The following ME3 variants were observed in gnomAD, a reference collection of about 807,000 sequenced individuals.
ME3 encodes the protein malic enzyme 3.
ME3 carries 48 observed loss-of-function variants against 68.9 expected under a neutral mutation model. That is an observed-to-expected ratio of 0.70 (90% CI 0.55 to 0.89). ME3 has a LOEUF of 0.89. Among genes scored for constraint, ME3 ranks in the 40% least tolerant of loss-of-function variants. The pLI, the probability that ME3 is intolerant of heterozygous loss-of-function variation, is 0.00. For synonymous variants in ME3, 320 were observed against 318.8 expected, an observed-to-expected ratio of 1.00 and a Z score of -0.04; for missense variants, 675 against 797.4, an observed-to-expected ratio of 0.85 and a Z score of 1.85.
At position 86,602,935 on chromosome 11, in the gene ME3, A is replaced by G. The variant is rs1960954979; in HGVS notation, c.184-43112T>C. Among the ~76,000 whole-genome samples, 4 of 152,342 alleles carry G rather than the reference A, an allele frequency of 2.6e-5. No homozygotes were observed. In the South Asian group the frequency reaches 8.3e-4, roughly 32 times the overall value. ...AAACTGGATCCTTTCCTTACACCTT[A>G]TACAAAAATTAATTCAAGGTGGATT... On this transcript the variant is annotated intron_variant, in intron 2 of 14. Transcript: ENST00000543262.
intron 2 of ME3, among the ~76,000 whole-genome samples, chr11:86,655,502 A>T (rs1398257844): frequency 1.3e-5 from 2 of 152,198 alleles, no homozygotes; most frequent in African/African-American, 2.4e-5. Context: ...TGGGGAAAGG[A>T]TTCCCTATTT....
chr11:86,651,645 A>G (rs1945439379), intron 2 of ME3, among the ~76,000 whole-genome samples: 1 of 152,234 alleles, frequency 6.6e-6, no homozygotes, highest in Non-Finnish European at 1.5e-5. Context: ...AAGATGGGGA[A>G]AAAACAGAGC....
intron 2 of ME3, among the ~76,000 whole-genome samples, chr11:86,666,107 A>G (rs1280392993): frequency 6.6e-6 from 1 of 152,184 alleles, no homozygotes; most frequent in East Asian, 1.9e-4. Flanking sequence ...CCTTTATTTA[A>G]TAATGTAGAA....
chr11:86,507,704 T>G (rs763309843), intron 5 of ME3, among the ~76,000 whole-genome samples: 1 of 152,148 alleles, frequency 6.6e-6, no homozygotes, highest in Non-Finnish European at 1.5e-5. Context: ...TTAACATCAC[T>G]AGGCACGGTG....
intron 4 of ME3, among the ~76,000 whole-genome samples, chr11:86,513,774 A>C (rs917635264): frequency 6.6e-6 from 1 of 152,210 alleles, no homozygotes; most frequent in Non-Finnish European, 1.5e-5. Context: ...GTAGTACTGC[A>C]TCTAAAGCAG....
intron 2 of ME3, among the ~76,000 whole-genome samples, chr11:86,576,568 TC>T (rs1958128962): frequency 6.6e-6 from 1 of 152,196 alleles, no homozygotes; most frequent in Non-Finnish European, 1.5e-5. Flanking sequence ...TCTTGCACTG[TC>T]CCCTGCAGTA....
intron 4 of ME3, among the ~76,000 whole-genome samples, chr11:86,534,184 C>CAGTA (rs148755568): frequency 0.24 from 36,038 of 150,770 alleles, 4,391 homozygotes; most frequent in African/African-American, 0.27. Flanking sequence ...CTGGGTGAGT[C>CAGTA]AGTGAGAGAT....
At chr11:86,616,085 A>G (rs1264957578) in intron 2 of ME3, among the ~76,000 whole-genome samples, 1 of 152,150 alleles carries the variant, frequency 6.6e-6, no homozygotes, top group African/African-American at 2.4e-5. Flanking sequence ...ACAAAAAGCA[A>G]TGTTATATCC....
At chr11:86,500,025 G>A (rs1016922619) in intron 5 of ME3, among the ~76,000 whole-genome samples, 1 of 152,190 alleles carries the variant, frequency 6.6e-6, no homozygotes, top group African/African-American at 2.4e-5. Context: ...CCAACTGGCT[G>A]GGGTAAAGTG....
rs763026313 is a variant in ME3, at chr11:86,560,726, ATG to A, written c.184-905_184-904del. On this transcript the variant is annotated intron_variant, in intron 2 of 14. Transcript: ENST00000543262. ...GATATGTGTGTGTGTGTGTGTGTGT[ATG>A]TGTGTGTGTGTGTGTGTGTGTATAT... Among the ~76,000 whole-genome samples the A allele has an allele frequency of 4.0e-3, 424 of 106,040 alleles. 9 individuals are homozygous for A. Among genetic ancestry groups the A allele is most frequent in the Non-Finnish European group, 5.4e-3 (294 of 54,306 alleles). The allele number at this position is 106,040 out of a possible 152,430, so 69.6% of individuals were successfully genotyped here.
intron 4 of ME3, among the ~76,000 whole-genome samples, chr11:86,553,262 G>A (rs896479815): frequency 2.0e-5 from 3 of 152,244 alleles, no homozygotes; most frequent in Non-Finnish European, 4.4e-5. Flanking sequence ...GCAGGTTGGA[G>A]TCTCAATTTT....
chr11:86,638,147 G>T (rs1052678831), intron 2 of ME3, among the ~76,000 whole-genome samples: 12 of 152,098 alleles, frequency 7.9e-5, no homozygotes, highest in East Asian at 3.9e-4. Context: ...CTTTTCTGTT[G>T]TGGTAAACCC....
intron 4 of ME3, among the ~76,000 whole-genome samples, chr11:86,519,322 A>G (rs1265782799): frequency 2.0e-5 from 3 of 152,240 alleles, no homozygotes; most frequent in Admixed American, 2.0e-4. Context: ...GTTTGAATTC[A>G]GTTACACGAG....
chr11:86,620,897 A>G (rs916270822), intron 2 of ME3, among the ~76,000 whole-genome samples: 1 of 152,192 alleles, frequency 6.6e-6, no homozygotes, highest in Non-Finnish European at 1.5e-5. Flanking sequence ...AATCAGATCC[A>G]TCTGACCTAG....
intron 2 of ME3, among the ~76,000 whole-genome samples, chr11:86,588,429 G>A (rs1157394795): frequency 1.3e-5 from 2 of 152,154 alleles, no homozygotes; most frequent in African/African-American, 4.8e-5. Flanking sequence ...ACTATCTCAG[G>A]CTCACACAAA....
chr11:86,443,918 G>C (rs1328984180), intron 13 of ME3, among the ~76,000 whole-genome samples: 1 of 151,936 alleles, frequency 6.6e-6, no homozygotes, highest in Non-Finnish European at 1.5e-5. Context: ...TCCATACAAG[G>C]CACTTCATCA....
intron 2 of ME3, among the ~76,000 whole-genome samples, chr11:86,644,380 C>A (rs1343258146): frequency 2.0e-5 from 3 of 152,140 alleles, no homozygotes; most frequent in African/African-American, 7.2e-5. Flanking sequence ...TTGCTTAGAA[C>A]CATTTAATAG....
At chr11:86,456,126 C>T (rs1449791620) in intron 8 of ME3, among the ~76,000 whole-genome samples, 1 of 152,158 alleles carries the variant, frequency 6.6e-6, no homozygotes, top group Admixed American at 6.5e-5. Context: ...GATTTGTATG[C>T]CATTCCAGTT....
intron 6 of ME3, among the ~76,000 whole-genome samples, chr11:86,495,297 A>G (rs79519085): frequency 0.025 from 3,815 of 152,330 alleles, 57 homozygotes; most frequent in Non-Finnish European, 0.032. Context: ...GGCCTGATCC[A>G]CAATTACTGC....
Sources: allele counts gnomAD v4.1 joint callset (sites outside exome capture counted in the v4.1 genomes callset), GRCh38; gene constraint gnomAD v4.1.1; transcripts MANE v1.5; gene names NCBI Gene and HGNC (gene_info 2026-07-23, HGNC 2026-07-21).